ADGRE1: variants seen among roughly 807,000 people sequenced by gnomAD.
ADGRE1 encodes EGF-like module receptor 1.
ADGRE1 carries 82 observed loss-of-function variants against 102.7 expected under a neutral mutation model. That is an observed-to-expected ratio of 0.80 (90% CI 0.67 to 0.96). The LOEUF is 0.96. Ranked by LOEUF, ADGRE1 falls within the 40% of genes least tolerant of loss-of-function variation. The pLI is 0.00. For synonymous variants in ADGRE1, 398 were observed against 399.6 expected (o/e 1.00, Z 0.05); for missense variants, 1,032 against 1,085.3 (o/e 0.95, Z 0.69).
rs780922517 is a variant in ADGRE1 at position 6,896,549 on chromosome 19, C to A, written c.238+8C>A. On this transcript the variant is annotated splice_region_variant and intron_variant, in intron 3 of 20. Coordinates refer to ENST00000312053, the MANE Select transcript of ADGRE1 (RefSeq NM_001974.5). ...CAGGAGTGCGATGCAAAGGTGAGTT[C>A]ATGTCCCCTCAAACCATCCAGCATT... is the stretch of plus-strand genomic sequence containing the variant. The A allele has an allele frequency of 3.1e-6, 5 of 1,613,100 alleles. No individual in the cohort carries two copies. In the East Asian group the frequency reaches 8.9e-5, roughly 29 times the overall value.
chr19:6,932,928 A>G (rs1459357630), intron 17 of ADGRE1, among the ~76,000 whole-genome samples: 2 of 152,190 alleles, frequency 1.3e-5, no homozygotes, highest in African/African-American at 4.8e-5. Context: ...AATAATAATT[A>G]TGATGATGTT....
At chr19:6,918,774 G>T (rs1381084545) in intron 12 of ADGRE1, among the ~76,000 whole-genome samples, 1 of 152,216 alleles carries the variant, frequency 6.6e-6, no homozygotes, top group Non-Finnish European at 1.5e-5. Context: ...ACCCAGGCTG[G>T]AGTGCAGTGG....
intron 17 of ADGRE1, among the ~76,000 whole-genome samples, chr19:6,933,131 G>A (rs1014353304): frequency 3.9e-5 from 6 of 152,114 alleles, no homozygotes; most frequent in African/African-American, 1.4e-4. Flanking sequence ...TGAGGCAGGA[G>A]AATCGCTTGA....
At chr19:6,936,749 G>A (rs1383819023) in intron 18 of ADGRE1, among the ~76,000 whole-genome samples, 2 of 151,606 alleles carry the variant, frequency 1.3e-5, no homozygotes, top group Non-Finnish European at 2.9e-5. Flanking sequence ...CAGCCTCCTG[G>A]GTAGCTGGGA....
At chr19:6,893,327 A>G (rs1246848260) in intron 2 of ADGRE1, among the ~76,000 whole-genome samples, 1 of 151,892 alleles carries the variant, frequency 6.6e-6, no homozygotes, top group East Asian at 1.9e-4. Context: ...CCTCCTGAGT[A>G]GTTGGGATTA....
At chr19:6,893,378 TTAG>T (rs1203380962) in intron 2 of ADGRE1, among the ~76,000 whole-genome samples, 1 of 152,096 alleles carries the variant, frequency 6.6e-6, no homozygotes, top group African/African-American at 2.4e-5. Context: ...TTTTTTATTT[TTAG>T]TAGAGACGGG....
At chr19:6,938,367 T>A (rs1975520682) in intron 20 of ADGRE1, among the ~76,000 whole-genome samples, 2 of 152,008 alleles carry the variant, frequency 1.3e-5, no homozygotes, top group Admixed American at 1.3e-4. Flanking sequence ...ATAGATATCT[T>A]CACATGTATA....
At chr19:6,911,956 CACAT>C (rs1974211733) in intron 10 of ADGRE1, among the ~76,000 whole-genome samples, 2 of 150,664 alleles carry the variant, frequency 1.3e-5, no homozygotes, top group South Asian at 4.2e-4. Flanking sequence ...TACCCATACA[CACAT>C]ACAGACATAC....
intron 5 of ADGRE1, among the ~76,000 whole-genome samples, chr19:6,899,381 G>T (rs1374300687): frequency 6.6e-6 from 1 of 152,110 alleles, no homozygotes; most frequent in Non-Finnish European, 1.5e-5. Context: ...TGCTGAGGTG[G>T]AAAAACCTTA....
rs2144923563 is a variant in ADGRE1 at position 6,906,459 on chromosome 19, G to A, written c.976G>A (p.Val326Met). Residue 326 changes from valine (V) to methionine (M), a missense_variant, in exon 9 of 21, where the codon GTG (valine) becomes ATG (methionine). By Grantham distance (21) the Val-to-Met change is conservative. Transcript: ENST00000312053. ...QRVLFKCKEDVIPDNKQIQQC... is the reference protein window; with the variant it reads ...QRVLFKCKEDMIPDNKQIQQC... ...GGTTCTCTTCAAATGTAAGGAAGAT[G>A]TGATACCCGATAATAAGCAGATCCA... The A allele has an allele frequency of 1.9e-6, 3 of 1,613,932 alleles. No homozygotes were observed. The highest frequency in any genetic ancestry group is 2.5e-6 in the Non-Finnish European group (3 of 1,179,852).
chr19:6,927,638 GATTTATTT>G (rs773476947), intron 16 of ADGRE1, among the ~76,000 whole-genome samples: 2 of 151,866 alleles, frequency 1.3e-5, no homozygotes, highest in Non-Finnish European at 2.9e-5. Context: ...TTTGAGCTGA[GATTTATTT>G]ATTTATTTAT....
intron 6 of ADGRE1, among the ~76,000 whole-genome samples, chr19:6,902,268 CA>C (rs1973791381): frequency 6.6e-6 from 1 of 152,108 alleles, no homozygotes. Context: ...TTAGGGCTTC[CA>C]TATAGGAATT....
chr19:6,920,795 C>G (rs926234224), intron 13 of ADGRE1, among the ~76,000 whole-genome samples: 1 of 152,136 alleles, frequency 6.6e-6, no homozygotes. Flanking sequence ...CAGGCATGAG[C>G]CACCGTGCCC....
At chr19:6,932,264 C>T (rs952631986) in intron 17 of ADGRE1, among the ~76,000 whole-genome samples, 1 of 151,934 alleles carries the variant, frequency 6.6e-6, no homozygotes, top group African/African-American at 2.4e-5. Flanking sequence ...GTCAGGAGAT[C>T]GAGACCATCC....
Position 6,894,508 on chromosome 19 carries a change from G to A in ADGRE1, c.95-1890G>A, listed in dbSNP as rs897338027. ...TGGAAGCTGGCCAGGCAAAGCAGAG[G>A]CAGAGGGAACAGCATGTGCAAAGGC... On this transcript the variant is annotated intron_variant, in intron 2 of 20. Transcript: ENST00000312053. Among the ~76,000 whole-genome samples the A allele has an allele frequency of 2.6e-5, 4 of 152,220 alleles. No homozygotes were observed. In the South Asian group the frequency reaches 8.3e-4, roughly 31 times the overall value.
chr19:6,920,547 G>A (rs1490881912), intron 13 of ADGRE1, among the ~76,000 whole-genome samples: 3 of 63,456 alleles, frequency 4.7e-5, no homozygotes, highest in Admixed American at 2.4e-4. Flanking sequence ...TTTTGAGATG[G>A]AGTTTCACTC....
chr19:6,924,163 CAG>C (rs887556689), intron 14 of ADGRE1, among the ~76,000 whole-genome samples: 19 of 151,588 alleles, frequency 1.3e-4, no homozygotes, highest in African/African-American at 4.6e-4. Flanking sequence ...GAGTTGAAGT[CAG>C]GGGGCTGTCA....
chr19:6,939,811 G>A (rs574853353), intron 20 of ADGRE1, among the ~76,000 whole-genome samples: 1 of 152,248 alleles, frequency 6.6e-6, no homozygotes, highest in East Asian at 1.9e-4. Context: ...TCCAGAGTGG[G>A]CGCTGTCAAT....
chr19:6,919,808 A>T, intron 13 of ADGRE1, 61 bp downstream of exon 13: 1 of 1,532,916 alleles, frequency 6.5e-7, no homozygotes, highest in Non-Finnish European at 9.0e-7. Flanking sequence ...TCGTCTCTCG[A>T]TTGCCTTAAC....
Sources: allele counts gnomAD v4.1 joint callset (sites outside exome capture counted in the v4.1 genomes callset), GRCh38; gene constraint gnomAD v4.1.1; transcripts MANE v1.5; gene names NCBI Gene and HGNC (gene_info 2026-07-23, HGNC 2026-07-21).